Variants in FHOD3 observed in about 807,000 individuals in gnomAD.
FHOD3 encodes the protein FH1/FH2 domain-containing protein 3.
FHOD3 carries 90 observed loss-of-function variants against 173.0 expected under a neutral mutation model. That is an observed-to-expected ratio of 0.52 (90% CI 0.44 to 0.62). The LOEUF is 0.62. FHOD3 is among the 20% of genes least tolerant of loss of function. The probability of loss-of-function intolerance (pLI) is 0.00; values close to 1 mark genes in which losing one functional copy is unlikely to be tolerated. For synonymous variants in FHOD3, 828 were observed against 823.0 expected (o/e 1.01, Z -0.10); for missense variants, 1,945 against 2,034.7 (o/e 0.96, Z 0.85).
chr18:36,629,585 G>A (rs2034360900), intron 10 of FHOD3, among the ~76,000 whole-genome samples: 1 of 152,128 alleles, frequency 6.6e-6, no homozygotes, highest in South Asian at 2.1e-4. Context: ...TATGTGTGAG[G>A]GCTATGGGGA....
chr18:36,623,971 T>A (rs989068620), intron 9 of FHOD3, among the ~76,000 whole-genome samples: 10 of 152,242 alleles, frequency 6.6e-5, no homozygotes, highest in African/African-American at 2.4e-4. Flanking sequence ...GTTAAAGCCA[T>A]ATACTGTGGT....
chr18:36,319,949 A>T (rs1047781490), intron 1 of FHOD3, among the ~76,000 whole-genome samples: 1 of 152,226 alleles, frequency 6.6e-6, no homozygotes, highest in African/African-American at 2.4e-5. Context: ...GAGGACAAAG[A>T]CATAACATAC....
chr18:36,667,615 T>C (rs1472210395), intron 14 of FHOD3, among the ~76,000 whole-genome samples: 1 of 151,958 alleles, frequency 6.6e-6, no homozygotes. Context: ...ATAGAAAAGG[T>C]ATGGTAAAAA....
chr18:36,741,103 T>C (rs115155035), intron 21 of FHOD3, among the ~76,000 whole-genome samples: 25 of 152,310 alleles, frequency 1.6e-4, no homozygotes, highest in Non-Finnish European at 3.1e-4. Context: ...ATTACATTTT[T>C]TTTTCAGATC....
At chr18:36,444,258 A>T (rs2051336579) in intron 3 of FHOD3, among the ~76,000 whole-genome samples, 1 of 151,812 alleles carries the variant, frequency 6.6e-6, no homozygotes, top group Non-Finnish European at 1.5e-5. Context: ...TATCTAGCCA[A>T]GATGTTTTTC....
At position 36,603,474 on chromosome 18, in the gene FHOD3, T is replaced by G. The variant is rs141045609; in HGVS notation, c.813+706T>G. Among the ~76,000 whole-genome samples, 21 of 151,828 alleles carry G rather than the reference T, an allele frequency of 1.4e-4. No homozygotes were observed. The East Asian group carries it at 3.9e-3, about 28-fold the overall frequency. On this transcript the variant is annotated intron_variant, in intron 8 of 28. Transcript: ENST00000590592. ...TTTTATGACTGCTTTTCCTATCAAGTTGGCCCCTTAAAATAATAATAATAA... is the reference window on the plus strand; with the variant it reads ...TTTTATGACTGCTTTTCCTATCAAGGTGGCCCCTTAAAATAATAATAATAA...
At chr18:36,347,647 A>G (rs966620684) in intron 1 of FHOD3, among the ~76,000 whole-genome samples, 2 of 152,210 alleles carry the variant, frequency 1.3e-5, no homozygotes, top group African/African-American at 4.8e-5. Context: ...TTTGTACTTC[A>G]TCCTAAAACA....
chr18:36,593,662 T>C (rs1354135952), intron 6 of FHOD3, among the ~76,000 whole-genome samples: 1 of 152,124 alleles, frequency 6.6e-6, no homozygotes, highest in Non-Finnish European at 1.5e-5. Flanking sequence ...GCTGATTTGC[T>C]ACAACCAGTG....
chr18:36,477,566 CCTACCT>C, intron 3 of FHOD3, among the ~76,000 whole-genome samples: 1 of 144,202 alleles, frequency 6.9e-6, no homozygotes, highest in African/African-American at 2.6e-5. Context: ...TACCTACCTA[CCTACCT>C]ACCTACCTAC....
At chr18:36,654,675 A>ATT (rs1187631168) in intron 13 of FHOD3, among the ~76,000 whole-genome samples, 1 of 152,226 alleles carries the variant, frequency 6.6e-6, no homozygotes, top group African/African-American at 2.4e-5. Context: ...GCACGTAGAC[A>ATT]GAGATGAGGC....
intron 7 of FHOD3, among the ~76,000 whole-genome samples, chr18:36,601,100 C>A (rs16967993): frequency 6.6e-6 from 1 of 152,114 alleles, no homozygotes; most frequent in Admixed American, 6.5e-5. Context: ...ACAACTACAC[C>A]GTGGTGTGGA....
At chr18:36,747,188 A>T in intron 24 of FHOD3, 53 bp downstream of exon 24, 23 of 1,415,256 alleles carry the variant, frequency 1.6e-5, no homozygotes, top group African/African-American at 2.9e-5. Flanking sequence ...ATATTGAAAA[A>T]TTTGTACTGG....
chr18:36,665,716 G>A (rs1024820638), intron 14 of FHOD3, among the ~76,000 whole-genome samples: 3 of 152,200 alleles, frequency 2.0e-5, no homozygotes, highest in African/African-American at 7.2e-5. Context: ...AGAGGCAAGT[G>A]TGCAAAAGAA....
chr18:36,652,590 G>A lies in FHOD3; in HGVS notation c.1307G>A (p.Gly436Glu). 6.5e-7 allele frequency: 1 copy of A among 1,533,896 alleles called. No individual in the cohort carries two copies. Among genetic ancestry groups the A allele is most frequent in the Non-Finnish European group, 8.7e-7 (1 of 1,146,252 alleles). Residue 436 changes from glycine to glutamate, a missense_variant, in exon 12 of 29, where the codon GGG becomes GAG. By Grantham distance (98) the Gly-to-Glu change is moderately conservative (BLOSUM62 -2). Transcript: ENST00000590592. ...GKDSKVGAASGQSPTGRDAAP... is the reference protein window; with the variant it reads ...GKDSKVGAASEQSPTGRDAAP... ...AACAGCAAGGTCGGCGCTGCCTCAGGGCAGAGCCCCACTGGAAGGGATGCT... is the reference window on the plus strand; with the variant it reads ...AACAGCAAGGTCGGCGCTGCCTCAGAGCAGAGCCCCACTGGAAGGGATGCT...
Position 36,762,597 on chromosome 18 carries a change from G to A in FHOD3, c.4624+1815G>A, listed in dbSNP as rs367669345. Reference sequence around the variant, plus strand: ...GGATCACTTGAGGTCAGGAGTTCAAGACCAGTCTGGCCAACCGGGTGAAAC... The same window carrying A: ...GGATCACTTGAGGTCAGGAGTTCAAAACCAGTCTGGCCAACCGGGTGAAAC... On this transcript the variant is annotated intron_variant, in intron 27 of 28. Transcript: ENST00000590592. 1.3e-3 allele frequency among the ~76,000 whole-genome samples: 205 copies of A among 152,242 alleles called. 1 individual carries two copies. The highest frequency in any genetic ancestry group is 4.9e-3 in the African/African-American group (202 of 41,550).
intron 22 of FHOD3, among the ~76,000 whole-genome samples, chr18:36,743,533 G>T (rs1377768613): frequency 6.6e-6 from 1 of 151,964 alleles, no homozygotes; most frequent in Non-Finnish European, 1.5e-5. Flanking sequence ...AAAAACAACT[G>T]TTTAAAAATC....
At chr18:36,629,052 C>G (rs1243700456) in intron 10 of FHOD3, among the ~76,000 whole-genome samples, 1 of 152,230 alleles carries the variant, frequency 6.6e-6, no homozygotes, top group Non-Finnish European at 1.5e-5. Context: ...TGCCATGCAG[C>G]TTTCAGTCAT....
intron 9 of FHOD3, among the ~76,000 whole-genome samples, chr18:36,614,378 T>G (rs2148653935): frequency 6.6e-6 from 1 of 152,362 alleles, no homozygotes; most frequent in East Asian, 1.9e-4. Context: ...ATACACCATA[T>G]TTTGTTTATC....
chr18:36,608,127 A>T (rs2032281471), intron 8 of FHOD3, among the ~76,000 whole-genome samples: 1 of 152,200 alleles, frequency 6.6e-6, no homozygotes. Context: ...TATTTGTTAT[A>T]GCAACAGCCC....
Sources: gnomAD v4.1 joint callset for allele counts (sites outside exome capture counted in the v4.1 genomes callset) on GRCh38, gnomAD v4.1.1 for gene constraint, MANE v1.5 for transcripts, NCBI Gene and HGNC (gene_info 2026-07-23, HGNC 2026-07-21) for gene names.